The following PPP2R2B variants were observed in gnomAD, a reference collection of about 807,000 sequenced individuals.
PPP2R2B encodes the protein serine/threonine-protein phosphatase 2A 55 kDa regulatory subunit B beta isoform.
A neutral mutation model predicts 46.0 loss-of-function variants in PPP2R2B; 5 were observed. That is an observed-to-expected ratio of 0.11 (90% CI 0.06 to 0.23). The LOEUF is 0.23. Among genes scored for constraint, PPP2R2B ranks in the 10% least tolerant of loss-of-function variants. PPP2R2B has a pLI of 1.00. For synonymous variants in PPP2R2B, 215 were observed against 206.7 expected (o/e 1.04, Z -0.34); for missense variants, 367 against 575.0 (o/e 0.64, Z 3.70).
At chr5:146,705,120 A>C (rs1581916191) in intron 2 of PPP2R2B, among the ~76,000 whole-genome samples, 1 of 152,314 alleles carries the variant, frequency 6.6e-6, no homozygotes, top group East Asian at 1.9e-4. Flanking sequence ...AATCATAGAG[A>C]TGGAAATGCA....
chr5:147,042,515 A>G (rs528339071), intron 1 of PPP2R2B, among the ~76,000 whole-genome samples: 69 of 152,268 alleles, frequency 4.5e-4, no homozygotes, highest in African/African-American at 1.6e-3. Context: ...GGTAGCTAAC[A>G]TTTGGAAACT....
At chr5:146,988,186 C>A (rs570384171) in intron 1 of PPP2R2B, among the ~76,000 whole-genome samples, 1 of 151,002 alleles carries the variant, frequency 6.6e-6, no homozygotes, top group Middle Eastern at 3.4e-3. Context: ...AGTTCAACAC[C>A]CAACTTCAGC....
chr5:146,771,080 C>T (rs771654422), intron 2 of PPP2R2B, among the ~76,000 whole-genome samples: 2 of 152,128 alleles, frequency 1.3e-5, no homozygotes, highest in African/African-American at 4.8e-5. Flanking sequence ...TATAACGTTT[C>T]ACTTTGGCTG....
intron 2 of PPP2R2B, among the ~76,000 whole-genome samples, chr5:147,075,026 T>C (rs1285462212): frequency 3.3e-5 from 5 of 152,086 alleles, no homozygotes; most frequent in African/African-American, 1.2e-4. Context: ...AATTGCAGTA[T>C]CAGAAAGAAA....
At chr5:146,896,328 T>C (rs1242642374) in intron 1 of PPP2R2B, among the ~76,000 whole-genome samples, 2 of 152,162 alleles carry the variant, frequency 1.3e-5, no homozygotes, top group South Asian at 2.1e-4. Flanking sequence ...TTAACTATCA[T>C]TGAGGCAACT....
Position 147,052,353 on chromosome 5 carries a change from C to T in PPP2R2B, c.79+3312G>A, listed in dbSNP as rs142873962. 4.6e-5 allele frequency among the ~76,000 whole-genome samples: 7 copies of T among 152,204 alleles called. No homozygotes were observed. The East Asian group carries it at 1.2e-3, about 25-fold the overall frequency. ...AATTTACTAAGCACCTATAATGTGC[C>T]TGGTATTGTTCTGGTTCTGGAGGTA... On this transcript the variant is annotated intron_variant, in intron 1 of 8. Coordinates refer to the PPP2R2B transcript ENST00000336640.
chr5:146,618,037 C>A (rs1449198894), intron 7 of PPP2R2B, among the ~76,000 whole-genome samples: 1 of 152,090 alleles, frequency 6.6e-6, no homozygotes, highest in Non-Finnish European at 1.5e-5. Flanking sequence ...AATGCCATTG[C>A]CCCCATCCCC....
intron 5 of PPP2R2B, among the ~76,000 whole-genome samples, chr5:146,675,297 A>C (rs1168183945): frequency 6.6e-6 from 1 of 152,122 alleles, no homozygotes; most frequent in Non-Finnish European, 1.5e-5. Context: ...TTGTGATGAA[A>C]ATCTGAGTAT....
chr5:146,984,748 T>G (rs529802668), intron 1 of PPP2R2B, among the ~76,000 whole-genome samples: 67 of 152,322 alleles, frequency 4.4e-4, no homozygotes, highest in African/African-American at 1.5e-3. Context: ...TTGGCTTTTT[T>G]TTTTAATAAA....
At chr5:146,923,115 T>A (rs1201279829) in intron 1 of PPP2R2B, among the ~76,000 whole-genome samples, 1 of 151,940 alleles carries the variant, frequency 6.6e-6, no homozygotes, top group Non-Finnish European at 1.5e-5. Flanking sequence ...TACATGAGAG[T>A]CTAAATTTCT....
intron 1 of PPP2R2B, among the ~76,000 whole-genome samples, chr5:147,038,853 G>A (rs894287824): frequency 1.3e-5 from 2 of 152,100 alleles, no homozygotes; most frequent in African/African-American, 4.8e-5. Flanking sequence ...TCCCCTTGTA[G>A]GATTAAGTAA....
chr5:146,917,667 T>C (rs1444773366), intron 1 of PPP2R2B, among the ~76,000 whole-genome samples: 2 of 152,170 alleles, frequency 1.3e-5, no homozygotes, highest in Non-Finnish European at 2.9e-5. Context: ...ATCTTCTGCC[T>C]CCCAGTTAAT....
chr5:146,834,867 C>G (rs1393247261), intron 2 of PPP2R2B, among the ~76,000 whole-genome samples: 1 of 152,154 alleles, frequency 6.6e-6, no homozygotes, highest in Admixed American at 6.5e-5. Context: ...TAAGTAAGAA[C>G]ATGCAGTATT....
intron 1 of PPP2R2B, among the ~76,000 whole-genome samples, chr5:147,009,376 C>T (rs1025702766): frequency 3.3e-5 from 5 of 152,100 alleles, no homozygotes; most frequent in African/African-American, 1.2e-4. Context: ...TTCTGTAAGA[C>T]ACTTTAAATC....
intron 2 of PPP2R2B, among the ~76,000 whole-genome samples, chr5:146,752,253 G>A (rs941597242): frequency 1.3e-5 from 2 of 151,900 alleles, no homozygotes; most frequent in African/African-American, 4.8e-5. Flanking sequence ...AGAGGAAGGA[G>A]TCAAGGATGA....
chr5:146,895,069 G>T (rs745898558), intron 1 of PPP2R2B, among the ~76,000 whole-genome samples: 1 of 152,170 alleles, frequency 6.6e-6, no homozygotes, highest in Non-Finnish European at 1.5e-5. Flanking sequence ...TACAAGAGAA[G>T]GAATTTAGAG....
intron 2 of PPP2R2B, among the ~76,000 whole-genome samples, chr5:146,837,902 T>C (rs1582231818): frequency 6.6e-6 from 1 of 152,120 alleles, no homozygotes; most frequent in Admixed American, 6.6e-5. Flanking sequence ...TCAGAGAAAC[T>C]GATTAAGCAG....
intron 1 of PPP2R2B, among the ~76,000 whole-genome samples, chr5:146,887,147 A>T (rs1762354532): frequency 6.6e-6 from 1 of 152,106 alleles, no homozygotes; most frequent in Non-Finnish European, 1.5e-5. Flanking sequence ...GTCAAAATAT[A>T]ATTTCAACAT....
rs369563442 is a variant in PPP2R2B, at chr5:146,873,714, C to A, written c.70+4288G>T. Among the ~76,000 whole-genome samples the A allele has an allele frequency of 1.2e-4, 18 of 152,242 alleles. No homozygotes were observed. The South Asian group carries it at 3.5e-3, about 30-fold the overall frequency. On this transcript the variant is annotated intron_variant, in intron 2 of 9. Transcript: ENST00000394411. ...GCAACCTCTGCCTCCTGGGTTCATGCGATTTCCTGCCTCAGCCTCCTGAGT... is the reference window on the plus strand; with the variant it reads ...GCAACCTCTGCCTCCTGGGTTCATGAGATTTCCTGCCTCAGCCTCCTGAGT...
Sources: gnomAD v4.1 joint callset for allele counts (sites outside exome capture counted in the v4.1 genomes callset) on GRCh38, gnomAD v4.1.1 for gene constraint, MANE v1.5 for transcripts, NCBI Gene and HGNC (gene_info 2026-07-23, HGNC 2026-07-21) for gene names.